The following TTC27 variants were observed in gnomAD, a reference collection of about 807,000 sequenced individuals.
TTC27 encodes tetratricopeptide repeat domain 27, also known as tetratricopeptide repeat protein 27.
A neutral mutation model predicts 115.9 loss-of-function variants in TTC27; 79 were observed. The observed-to-expected ratio is 0.68, with a 90% CI of 0.57 to 0.82. The LOEUF (loss-of-function observed/expected upper bound fraction) is 0.82, where lower values mean the gene tolerates loss of function less well. Ranked by LOEUF, TTC27 falls within the 40% of genes least tolerant of loss-of-function variation. The probability of loss-of-function intolerance (pLI) is 0.00; values close to 1 mark genes in which losing one functional copy is unlikely to be tolerated. For missense variants in TTC27, 1,054 were observed against 993.1 expected (o/e 1.06, Z -0.82); for synonymous variants, 401 against 356.0 (o/e 1.13, Z -1.42).
chr2:32,710,753 C>A (rs926697237), intron 10 of TTC27, among the ~76,000 whole-genome samples: 1 of 151,766 alleles, frequency 6.6e-6, no homozygotes, highest in Non-Finnish European at 1.5e-5. Context: ...CAGTTCTAAA[C>A]CTGCATTTGT....
chr2:32,748,193 TA>T (rs1308727476), intron 12 of TTC27, among the ~76,000 whole-genome samples: 7 of 152,198 alleles, frequency 4.6e-5, no homozygotes, highest in African/African-American at 1.7e-4. Flanking sequence ...AATTTTGTTG[TA>T]ATTTCTTCAT....
At chr2:32,782,595 A>G in intron 14 of TTC27, 31 bp from the exon 15 acceptor site, 1 of 1,599,096 alleles carries the variant, frequency 6.3e-7, no homozygotes, top group Non-Finnish European at 8.6e-7. Flanking sequence ...AAATGAGAAG[A>G]GTTAATTAAC....
intron 5 of TTC27, among the ~76,000 whole-genome samples, chr2:32,654,478 A>G (rs1461413459): frequency 6.6e-6 from 1 of 152,154 alleles, no homozygotes; most frequent in Non-Finnish European, 1.5e-5. Flanking sequence ...TTGTATATGC[A>G]TACACCTGTG....
chr2:32,706,712 G>A (rs530975858), intron 10 of TTC27, among the ~76,000 whole-genome samples: 2 of 151,834 alleles, frequency 1.3e-5, no homozygotes, highest in South Asian at 4.2e-4. Context: ...TTACAGGCAC[G>A]CACCACCATG....
At chr2:32,733,657 T>A (rs901646633) in intron 10 of TTC27, among the ~76,000 whole-genome samples, 171 bp from the exon 11 acceptor site, 11 of 152,214 alleles carry the variant, frequency 7.2e-5, no homozygotes, top group African/African-American at 2.2e-4. Context: ...GGTTTAAAGT[T>A]TTTTGAACAT....
At chr2:32,685,659 G>A (rs1030439847) in intron 9 of TTC27, among the ~76,000 whole-genome samples, 4 of 152,090 alleles carry the variant, frequency 2.6e-5, no homozygotes. Context: ...AAACAAAAAA[G>A]CCTTTGACAA....
At chr2:32,782,886 T>C (rs1670228646) in intron 15 of TTC27, among the ~76,000 whole-genome samples, 1 of 152,234 alleles carries the variant, frequency 6.6e-6, no homozygotes, top group Non-Finnish European at 1.5e-5. Flanking sequence ...ACATTTCATA[T>C]GTAATAAAAT....
chr2:32,813,192 C>A (rs1359821329), intron 18 of TTC27, among the ~76,000 whole-genome samples: 1 of 151,918 alleles, frequency 6.6e-6, no homozygotes, highest in East Asian at 1.9e-4. Flanking sequence ...TTTGGTAATG[C>A]ATTTTTATAT....
At chr2:32,767,776 A>G (rs1669689887) in intron 13 of TTC27, among the ~76,000 whole-genome samples, 1 of 152,196 alleles carries the variant, frequency 6.6e-6, no homozygotes, top group South Asian at 2.1e-4. Flanking sequence ...AAGTTTTAAT[A>G]TTAACAAAGC....
intron 12 of TTC27, among the ~76,000 whole-genome samples, chr2:32,753,203 CTACT>C (rs1452976331): frequency 6.6e-6 from 1 of 152,086 alleles, no homozygotes; most frequent in East Asian, 1.9e-4. Context: ...GGGAGTAGGA[CTACT>C]TACCTGGCAG....
At chr2:32,740,453 CT>C (rs3834121) in intron 12 of TTC27, among the ~76,000 whole-genome samples, 156 of 145,404 alleles carry the variant, frequency 1.1e-3, no homozygotes, top group Non-Finnish European at 1.8e-3. Flanking sequence ...GTTTTGGGGG[CT>C]TTTTTTTTTT....
chr2:32,662,174 T>G (rs1665572504), intron 5 of TTC27, among the ~76,000 whole-genome samples: 1 of 152,224 alleles, frequency 6.6e-6, no homozygotes, highest in South Asian at 2.1e-4. Context: ...TTTGCCAGTA[T>G]TTTATTGAGG....
At chr2:32,749,007 C>T (rs900180097) in intron 12 of TTC27, among the ~76,000 whole-genome samples, 2 of 152,052 alleles carry the variant, frequency 1.3e-5, no homozygotes, top group Non-Finnish European at 2.9e-5. Context: ...TTCTTAATGC[C>T]TGTACCAGGG....
chr2:32,804,640 A>G (rs1261717724), intron 16 of TTC27, among the ~76,000 whole-genome samples: 1 of 152,148 alleles, frequency 6.6e-6, no homozygotes, highest in African/African-American at 2.4e-5. Flanking sequence ...ATATTATAAA[A>G]CTTACACATA....
chr2:32,744,884 C>T lies in TTC27; in HGVS notation c.1452+8068C>T, dbSNP rs143056827. Among the ~76,000 whole-genome samples the T allele has an allele frequency of 3.0e-3, 459 of 151,912 alleles. 4 individuals are homozygous for T. The highest frequency in any genetic ancestry group is 0.01 in the African/African-American group (432 of 41,452). ...CCAGCCTGGTGAAACCCCATCTCTA[C>T]TAAAAATACAAAACTTAGCTGGGCA... On this transcript the variant is annotated intron_variant, in intron 12 of 19. Coordinates refer to ENST00000317907, the MANE Select transcript of TTC27 (RefSeq NM_017735.5).
intron 13 of TTC27, among the ~76,000 whole-genome samples, chr2:32,761,058 C>T (rs557695455): frequency 6.6e-6 from 1 of 152,244 alleles, no homozygotes; most frequent in South Asian, 2.1e-4. Flanking sequence ...CCCCTGAACT[C>T]GACGCCAGTA....
intron 10 of TTC27, among the ~76,000 whole-genome samples, chr2:32,720,712 A>T (rs1215366500): frequency 6.6e-6 from 1 of 152,228 alleles, no homozygotes; most frequent in Non-Finnish European, 1.5e-5. Context: ...AGAAGTAATA[A>T]GAGCCTGAAG....
chr2:32,811,703 C>T (rs1671321941), intron 17 of TTC27, among the ~76,000 whole-genome samples: 1 of 152,294 alleles, frequency 6.6e-6, no homozygotes, highest in Non-Finnish European at 1.5e-5. Flanking sequence ...GTTGCCCTGC[C>T]CTTTCTCACA....
At chr2:32,703,003 G>A in intron 10 of TTC27, 83 bp downstream of exon 10, 6 of 913,458 alleles carry the variant, frequency 6.6e-6, no homozygotes, top group Non-Finnish European at 1.1e-5. Flanking sequence ...ATGAATGAAG[G>A]AATGAAATGG....
Sources: gnomAD v4.1 joint callset for allele counts (sites outside exome capture counted in the v4.1 genomes callset) on GRCh38, gnomAD v4.1.1 for gene constraint, MANE v1.5 for transcripts, NCBI Gene and HGNC (gene_info 2026-07-23, HGNC 2026-07-21) for gene names.